The following NUMB variants were observed in gnomAD, a reference collection of about 807,000 sequenced individuals.
NUMB encodes NUMB endocytic adaptor protein, also known as protein numb homolog.
In NUMB, 29 loss-of-function variants were observed where a neutral mutation model predicts 59.7. The ratio of observed to expected loss-of-function variants is 0.49; its 90% CI spans 0.36 to 0.66. The LOEUF is 0.66. Ranked by LOEUF, NUMB falls within the 30% of genes least tolerant of loss-of-function variation. The probability of loss-of-function intolerance (pLI) is 0.00; values close to 1 mark genes in which losing one functional copy is unlikely to be tolerated. For synonymous variants in NUMB, 288 were observed against 288.2 expected (o/e 1.00, Z 0.01); for missense variants, 723 against 822.0 (o/e 0.88, Z 1.47).
Position 73,284,282 on chromosome 14 carries a change from T to G in NUMB, c.748A>C (p.Thr250Pro). ...SSPTSPTSDA[T>P]TSLEMNNPHA... ...GGATTGTTCATCTCCAGAGAGGTCG[T>G]GGCATCAGAAGTAGGAGAGGTGGGA... is the stretch of plus-strand genomic sequence containing the variant. The change falls in exon 10 of 13, where the codon ACG becomes CCG. Residue 250 changes from threonine to proline, a missense_variant. Around this residue, in one of 2 missense-constraint regions of NUMB, gnomAD observed 317 missense variants for 436.6 expected, o/e 0.73. Coordinates refer to ENST00000555238, the MANE Select transcript of NUMB (RefSeq NM_001005743.2). 6.2e-7 allele frequency: 1 copy of G among 1,614,154 alleles called. No individual in the cohort carries two copies.
At chr14:73,318,003 A>G (rs770038242) in intron 5 of NUMB, among the ~76,000 whole-genome samples, 6 of 152,252 alleles carry the variant, frequency 3.9e-5, no homozygotes, top group Non-Finnish European at 7.3e-5. Context: ...CACAAACAGC[A>G]AAAAATATTT....
intron 6 of NUMB, among the ~76,000 whole-genome samples, chr14:73,311,940 CAAAT>C (rs752971516): frequency 6.6e-6 from 1 of 152,074 alleles, no homozygotes; most frequent in Non-Finnish European, 1.5e-5. Flanking sequence ...CAAAAGATTC[CAAAT>C]TAAAGAAAAA....
At chr14:73,341,290 C>T (rs957165888) in intron 4 of NUMB, among the ~76,000 whole-genome samples, 3 of 151,812 alleles carry the variant, frequency 2.0e-5, no homozygotes, top group African/African-American at 2.4e-5. Context: ...CTAAAGTTAA[C>T]GGAACAATAA....
In NUMB at chr14:73,428,716, T is replaced by C. The variant is rs189453318; in HGVS notation, c.-232-18648A>G. Among the ~76,000 whole-genome samples the C allele has an allele frequency of 3.1e-3, 467 of 152,164 alleles. 1 individual carries two copies. Among genetic ancestry groups the C allele is most frequent in the Non-Finnish European group, 4.9e-3 (333 of 68,010 alleles). On this transcript the variant is annotated intron_variant, in intron 1 of 12. Coordinates refer to ENST00000555238, the MANE Select transcript of NUMB (RefSeq NM_001005743.2). ...GCGGCAGGAGTTCAAGCTCAGGAGT[T>C]CAAGGCTTGAGCTTGAGCTCAGGAG... is the stretch of plus-strand genomic sequence containing the variant.
intron 1 of NUMB, among the ~76,000 whole-genome samples, chr14:73,442,850 C>T (rs1200411615): frequency 6.6e-6 from 1 of 152,044 alleles, no homozygotes; most frequent in Non-Finnish European, 1.5e-5. Flanking sequence ...TGTAAAAACT[C>T]ATTACACCAT....
At chr14:73,378,731 A>G (rs1440076704) in intron 2 of NUMB, among the ~76,000 whole-genome samples, 1 of 152,220 alleles carries the variant, frequency 6.6e-6, no homozygotes, top group African/African-American at 2.4e-5. Flanking sequence ...AAGGACCTGT[A>G]ACTGCCAGGG....
intron 5 of NUMB, among the ~76,000 whole-genome samples, chr14:73,322,388 C>T (rs1891450905): frequency 1.3e-5 from 2 of 152,160 alleles, no homozygotes. Flanking sequence ...GCAGAGGAAA[C>T]GTTATCCTGG....
intron 4 of NUMB, among the ~76,000 whole-genome samples, chr14:73,342,435 G>A (rs1892684863): frequency 6.6e-6 from 1 of 152,188 alleles, no homozygotes; most frequent in African/African-American, 2.4e-5. Flanking sequence ...TATTGTAGGT[G>A]CAGAAGATTG....
chr14:73,419,634 C>A (rs1234485418), intron 1 of NUMB, among the ~76,000 whole-genome samples: 1 of 152,080 alleles, frequency 6.6e-6, no homozygotes, highest in African/African-American at 2.4e-5. Flanking sequence ...AATGAATATG[C>A]AGTTTATGGT....
chr14:73,379,425 C>T (rs1433837186), intron 2 of NUMB, among the ~76,000 whole-genome samples: 1 of 152,180 alleles, frequency 6.6e-6, no homozygotes, highest in African/African-American at 2.4e-5. Context: ...AACAAACCCT[C>T]TACCCTCACG....
intron 1 of NUMB, among the ~76,000 whole-genome samples, chr14:73,433,594 G>A (rs1258728029): frequency 6.6e-6 from 1 of 152,080 alleles, no homozygotes; most frequent in Admixed American, 6.6e-5. Flanking sequence ...CTGTCAGAAA[G>A]TAGTTGCTCG....
At position 73,279,270 on chromosome 14, in the gene NUMB, G is replaced by A. The variant is rs1330163552; in HGVS notation, c.1240+11C>T. ...TCCCAGAATCCTCAACACCATCTGT[G>A]GCCACCTTACCCGAACATGTGGCTG... On this transcript the variant is annotated intron_variant, in intron 12 of 12. Coordinates refer to ENST00000555238, the MANE Select transcript of NUMB (RefSeq NM_001005743.2). 6.2e-7 allele frequency: 1 copy of A among 1,613,914 alleles called. No homozygotes were observed. Among genetic ancestry groups the A allele is most frequent in the African/African-American group, 1.3e-5 (1 of 74,924 alleles).
In NUMB at chr14:73,370,281, A is replaced by G. The variant is rs546563317; in HGVS notation, c.-100-3300T>C. Among the ~76,000 whole-genome samples the G allele has an allele frequency of 2.0e-5, 3 of 152,364 alleles. No individual in the cohort carries two copies. In the East Asian group the frequency reaches 5.8e-4, roughly 29 times the overall value. On this transcript the variant is annotated intron_variant, in intron 2 of 12. Coordinates refer to ENST00000555238, the MANE Select transcript of NUMB (RefSeq NM_001005743.2). The stretch of plus-strand genomic sequence containing the variant: ...GCCCCTTCCTAAGAAAACTTACTAA[A>G]TAAGAAATGTTTAGGAAATCTTTGA...
intron 2 of NUMB, among the ~76,000 whole-genome samples, chr14:73,383,195 A>C (rs1895334716): frequency 6.6e-6 from 1 of 152,192 alleles, no homozygotes; most frequent in African/African-American, 2.4e-5. Flanking sequence ...GGATCCAGAC[A>C]TTGTTAATTA....
At chr14:73,329,720 T>C (rs1266732674) in intron 4 of NUMB, among the ~76,000 whole-genome samples, 1 of 152,206 alleles carries the variant, frequency 6.6e-6, no homozygotes, top group Non-Finnish European at 1.5e-5. Context: ...CTGATCCTTA[T>C]TCCTCTCTTG....
chr14:73,339,672 G>A (rs187945449), intron 4 of NUMB, among the ~76,000 whole-genome samples: 5 of 152,166 alleles, frequency 3.3e-5, no homozygotes, highest in Admixed American at 1.3e-4. Context: ...GATTACAAGC[G>A]TGAGCCACTG....
Position 73,289,028 on chromosome 14 carries a change from A to AAAAC in NUMB, c.451-1718_451-1715dup, listed in dbSNP as rs529988297. On this transcript the variant is annotated intron_variant, in intron 8 of 12. Coordinates refer to ENST00000555238, the MANE Select transcript of NUMB (RefSeq NM_001005743.2). Reference sequence around the variant, plus strand: ...GTGACATAATGAGACCCTGTCTCAAAAAACAAACAAACAAACAAAACTAAC... The same window carrying AAAAC: ...GTGACATAATGAGACCCTGTCTCAAAAAACAAACAAACAAACAAACAAAACTAAC... Among the ~76,000 whole-genome samples the AAAAC allele has an allele frequency of 6.6e-5, 10 of 152,270 alleles. No individual in the cohort carries two copies. In the East Asian group the frequency reaches 1.9e-3, roughly 29 times the overall value.
chr14:73,366,017 G>A (rs1894328168), intron 3 of NUMB, among the ~76,000 whole-genome samples: 1 of 152,140 alleles, frequency 6.6e-6, no homozygotes, highest in Non-Finnish European at 1.5e-5. Flanking sequence ...AATACATGAG[G>A]TTTTGGTTCT....
At chr14:73,387,175 C>T (rs1404272155) in intron 2 of NUMB, among the ~76,000 whole-genome samples, 1 of 152,046 alleles carries the variant, frequency 6.6e-6, no homozygotes, top group East Asian at 1.9e-4. Context: ...AGCCACCGCG[C>T]CCGGCCTATC....
Sources: gnomAD v4.1 joint callset for allele counts (sites outside exome capture counted in the v4.1 genomes callset) on GRCh38, gnomAD v4.1.1 for gene constraint, gnomAD v4.1.1 regional missense constraint, MANE v1.5 for transcripts, NCBI Gene and HGNC (gene_info 2026-07-23, HGNC 2026-07-21) for gene names.